Variants in EYS observed in about 807,000 individuals in gnomAD.
The protein encoded by EYS is protein eyes shut homolog.
EYS carries 250 observed loss-of-function variants against 282.1 expected under a neutral mutation model. That is an observed-to-expected ratio of 0.89 (90% CI 0.80 to 0.98). The LOEUF (loss-of-function observed/expected upper bound fraction) is 0.98, where lower values mean the gene tolerates loss of function less well. EYS is among the 50% of genes least tolerant of loss of function. The pLI, the probability that EYS is intolerant of heterozygous loss-of-function variation, is 0.00. For missense variants in EYS, 4,016 were observed against 3,709.0 expected (o/e 1.08, Z -2.15); for synonymous variants, 1,355 against 1,282.9 (o/e 1.06, Z -1.20).
Position 65,368,118 on chromosome 6 carries a change from A to T in EYS, c.1300-14501T>A, listed in dbSNP as rs185186189. 4.0e-5 allele frequency among the ~76,000 whole-genome samples: 6 copies of T among 151,322 alleles called. No individual in the cohort carries two copies. The Admixed American group carries it at 4.0e-4, about 10-fold the overall frequency. On this transcript the variant is annotated intron_variant, in intron 8 of 42. Transcript: ENST00000503581. ...GAGCAAAAGGGCAAAAAAGCTCCTT[A>T]AAAAAAACCATCAGATATTGTGAGA...
At chr6:65,515,085 A>G (rs1767070435) in intron 2 of EYS, among the ~76,000 whole-genome samples, 1 of 152,204 alleles carries the variant, frequency 6.6e-6, no homozygotes, top group African/African-American at 2.4e-5. Flanking sequence ...AACTCAAACA[A>G]ATTTACAACA....
At chr6:64,044,479 TTCACTTATGAGGTAAAGC>T (rs1251422784) in intron 33 of EYS, among the ~76,000 whole-genome samples, 2 of 152,210 alleles carry the variant, frequency 1.3e-5, no homozygotes, top group Non-Finnish European at 2.9e-5. Flanking sequence ...GGAACGTAAG[TTCACTTATGAGGTAAAGC>T]ACTCATGTAA....
At chr6:64,198,239 C>A (rs1429766238) in intron 31 of EYS, among the ~76,000 whole-genome samples, 3 of 151,448 alleles carry the variant, frequency 2.0e-5, no homozygotes, top group Non-Finnish European at 4.4e-5. Context: ...GATCTCCTGA[C>A]CTCGTGATCC....
intron 19 of EYS, among the ~76,000 whole-genome samples, chr6:64,864,873 T>A (rs914415788): frequency 6.6e-6 from 1 of 151,626 alleles, no homozygotes; most frequent in Non-Finnish European, 1.5e-5. Flanking sequence ...CCGTCTCTAC[T>A]AAAAATACAA....
intron 22 of EYS, among the ~76,000 whole-genome samples, chr6:64,629,709 T>G (rs1767720502): frequency 6.6e-6 from 1 of 152,174 alleles, no homozygotes. Context: ...AGCAATTGAC[T>G]TCAGTATGAT....
chr6:64,700,953 T>C, intron 22 of EYS, among the ~76,000 whole-genome samples: 1 of 152,016 alleles, frequency 6.6e-6, no homozygotes. Context: ...AGACATCATA[T>C]TAGTTGACTT....
intron 33 of EYS, among the ~76,000 whole-genome samples, chr6:64,012,752 A>C (rs1379863616): frequency 6.6e-6 from 1 of 152,172 alleles, no homozygotes; most frequent in Non-Finnish European, 1.5e-5. Context: ...TTGTCTGTGC[A>C]ACTCAGCACA....
chr6:65,027,780 G>T (rs1203155248), intron 13 of EYS, among the ~76,000 whole-genome samples: 1 of 152,134 alleles, frequency 6.6e-6, no homozygotes, highest in Non-Finnish European at 1.5e-5. Context: ...TTATGTACCA[G>T]AAGTTATCTG....
At chr6:63,896,348 A>T (rs1158179400) in intron 35 of EYS, among the ~76,000 whole-genome samples, 1 of 152,190 alleles carries the variant, frequency 6.6e-6, no homozygotes, top group Non-Finnish European at 1.5e-5. Flanking sequence ...TTGTATAACT[A>T]ATTTTTATGT....
chr6:64,947,731 T>C (rs1327022896), intron 14 of EYS, among the ~76,000 whole-genome samples: 2 of 151,496 alleles, frequency 1.3e-5, no homozygotes, highest in African/African-American at 4.8e-5. Context: ...GTTTTATGAA[T>C]GTGCTATTTA....
At chr6:65,516,287 A>G (rs901738151) in intron 2 of EYS, among the ~76,000 whole-genome samples, 1 of 152,098 alleles carries the variant, frequency 6.6e-6, no homozygotes, top group African/African-American at 2.4e-5. Context: ...GAAAGCCAAT[A>G]TTTCTCATGG....
intron 26 of EYS, among the ~76,000 whole-genome samples, chr6:64,471,349 G>T (rs1045185803): frequency 6.6e-6 from 1 of 152,054 alleles, no homozygotes; most frequent in African/African-American, 2.4e-5. Flanking sequence ...AAAGCCTAAA[G>T]ACTAGGCCAA....
In EYS at chr6:64,683,572, A is replaced by G. The variant is rs115997641; in HGVS notation, c.3444-57327T>C. Reference sequence around the variant, plus strand: ...TAAAGTACTGAAAATACAGGAGAGAACAAGTTTGAAAATAAAATGGAGTCT... The same window carrying G: ...TAAAGTACTGAAAATACAGGAGAGAGCAAGTTTGAAAATAAAATGGAGTCT... On this transcript the variant is annotated intron_variant, in intron 22 of 42. Transcript: ENST00000503581. Among the ~76,000 whole-genome samples the G allele has an allele frequency of 4.6e-3, 694 of 152,348 alleles. 5 individuals are homozygous for G. Among genetic ancestry groups the G allele is most frequent in the African/African-American group, 0.016 (648 of 41,582 alleles).
At chr6:64,609,245 G>T (rs191057397) in intron 24 of EYS, among the ~76,000 whole-genome samples, 83 of 152,212 alleles carry the variant, frequency 5.5e-4, no homozygotes, top group African/African-American at 2.0e-3. Context: ...AGTTACCTAA[G>T]CACATGTTGT....
chr6:65,689,316 T>C (rs1022732007), intron 1 of EYS, among the ~76,000 whole-genome samples: 3 of 149,574 alleles, frequency 2.0e-5, no homozygotes, highest in African/African-American at 7.3e-5. Context: ...TAGGTGGGAA[T>C]TGAACAATGA....
intron 36 of EYS, among the ~76,000 whole-genome samples, chr6:63,844,965 T>C (rs909497246): frequency 1.3e-5 from 2 of 152,194 alleles, no homozygotes; most frequent in African/African-American, 2.4e-5. Flanking sequence ...ATTGCCTAGA[T>C]TTTCTTCTAG....
intron 33 of EYS, among the ~76,000 whole-genome samples, chr6:64,027,727 G>A (rs1470963825): frequency 8.5e-5 from 13 of 152,302 alleles, no homozygotes; most frequent in South Asian, 8.3e-4. Context: ...CCACTGTGCC[G>A]AGGAAATCAC....
chr6:65,333,503 A>T (rs894562836), intron 11 of EYS, among the ~76,000 whole-genome samples: 1 of 151,570 alleles, frequency 6.6e-6, no homozygotes, highest in African/African-American at 2.4e-5. Flanking sequence ...TAAGAAGGTT[A>T]TTCTGCTGTT....
intron 26 of EYS, among the ~76,000 whole-genome samples, chr6:64,457,184 T>A (rs966516870): frequency 2.6e-5 from 4 of 152,050 alleles, no homozygotes; most frequent in African/African-American, 7.2e-5. Context: ...CCAATATTTC[T>A]TTTGTTATTG....
Sources: allele counts gnomAD v4.1 joint callset (sites outside exome capture counted in the v4.1 genomes callset), GRCh38; gene constraint gnomAD v4.1.1; transcripts MANE v1.5; gene names NCBI Gene and HGNC (gene_info 2026-07-23, HGNC 2026-07-21).